PKD2L2: variants seen among roughly 807,000 people sequenced by gnomAD.
PKD2L2 encodes polycystin 2 like 2, transient receptor potential cation channel.
PKD2L2 carries 67 observed loss-of-function variants against 83.9 expected under a neutral mutation model. That is an observed-to-expected ratio of 0.80 (90% confidence interval 0.66 to 0.98). The LOEUF (loss-of-function observed/expected upper bound fraction) is 0.98. Among genes scored for constraint, PKD2L2 ranks in the 50% least tolerant of loss-of-function variants. The pLI is 0.00. For missense variants in PKD2L2, 632 were observed against 717.2 expected (o/e 0.88, Z 1.36); for synonymous variants, 223 against 237.8 (o/e 0.94, Z 0.57).
At chr5:137,929,247 A>C (rs1195245848) in intron 12 of PKD2L2, among the ~76,000 whole-genome samples, 2 of 152,072 alleles carry the variant, frequency 1.3e-5, no homozygotes, top group African/African-American at 4.8e-5. Flanking sequence ...GGATCACCTG[A>C]GGTTGGGAGT....
At chr5:137,901,216 G>A (rs1756929331) in intron 5 of PKD2L2, among the ~76,000 whole-genome samples, 1 of 152,070 alleles carries the variant, frequency 6.6e-6, no homozygotes, top group Non-Finnish European at 1.5e-5. Flanking sequence ...TAAAGTTGGA[G>A]AATTTAATGC....
At chr5:137,934,977 C>T (rs1005595395) in intron 12 of PKD2L2, among the ~76,000 whole-genome samples, 3 of 152,220 alleles carry the variant, frequency 2.0e-5, no homozygotes, top group Non-Finnish European at 4.4e-5. Flanking sequence ...CAAGCAACCA[C>T]AGAGTGTATG....
At chr5:137,938,976 G>A (rs1464785550) in intron 14 of PKD2L2, 1 of 152,166 alleles carries the variant, frequency 6.6e-6, no homozygotes, top group Non-Finnish European at 1.5e-5. Flanking sequence ...CTGTTGTACT[G>A]TTAGCACAAA....
At chr5:137,911,150 C>T (rs1356281302) in intron 8 of PKD2L2, among the ~76,000 whole-genome samples, 2 of 152,156 alleles carry the variant, frequency 1.3e-5, no homozygotes, top group Non-Finnish European at 2.9e-5. Flanking sequence ...CCCCTGTCAG[C>T]CACCATTTTA....
intron 8 of PKD2L2, among the ~76,000 whole-genome samples, chr5:137,921,340 G>A (rs1758877082): frequency 1.4e-5 from 2 of 140,974 alleles, no homozygotes; most frequent in Admixed American, 1.5e-4. Flanking sequence ...TAGCCTGGGC[G>A]ACAGAGTTTG....
At chr5:137,940,601 G>A in intron 14 of PKD2L2, 1 of 348,150 alleles carries the variant, frequency 2.9e-6, no homozygotes, top group Non-Finnish European at 5.2e-6. Context: ...ATAACTGGAG[G>A]AAACCCAGTA....
intron 14 of PKD2L2, chr5:137,940,432 G>A (rs2150089551): frequency 2.7e-6 from 2 of 752,004 alleles, no homozygotes; most frequent in South Asian, 4.0e-5. Flanking sequence ...GAGACATACT[G>A]TTACTAAACA....
intron 8 of PKD2L2, among the ~76,000 whole-genome samples, chr5:137,917,239 A>T (rs1247122166): frequency 7.2e-6 from 1 of 139,314 alleles, no homozygotes; most frequent in African/African-American, 2.7e-5. Flanking sequence ...ATCTTAGCTT[A>T]CTGCAGACTC....
chr5:137,916,621 A>G (rs1469182415), intron 8 of PKD2L2, among the ~76,000 whole-genome samples: 1 of 151,704 alleles, frequency 6.6e-6, no homozygotes, highest in Non-Finnish European at 1.5e-5. Flanking sequence ...CTAGAGTTAC[A>G]GATGCGCACC....
intron 14 of PKD2L2, among the ~76,000 whole-genome samples, chr5:137,936,686 A>G (rs941204274): frequency 7.9e-5 from 12 of 152,158 alleles, no homozygotes; most frequent in African/African-American, 2.9e-4. Context: ...CGATCTCCTG[A>G]CCTCGTGATC....
Position 137,890,557 on chromosome 5 carries a change from TA to T in PKD2L2, c.109del (p.Ile37PhefsTer3). ...TTLQELLLYF[I>X]FLINLCILTF... is the part of the protein sequence containing the mutation. ...CACTTCAGGAATTGTTACTCTACTT[TA>T]TTTTTTTAATAAACCTATGTATATG... On this transcript the variant is annotated frameshift_variant, in exon 2 of 15. Coordinates refer to ENST00000508883, the MANE Select transcript of PKD2L2 (RefSeq NM_001300921.2). LOFTEE classifies it high-confidence loss of function. The T allele has an allele frequency of 3.3e-6, 5 of 1,503,496 alleles. No individual in the cohort carries two copies. Among genetic ancestry groups the T allele is most frequent in the East Asian group, 2.3e-5 (1 of 43,692 alleles). The allele number at this position is 1,503,496 out of a possible 1,614,324, so 93.1% of individuals were successfully genotyped here. A position where few individuals can be genotyped will look rare whatever the true frequency, so the allele number is the denominator to read the frequency against.
chr5:137,917,533 C>CT (rs1037139421), intron 8 of PKD2L2, among the ~76,000 whole-genome samples: 1 of 152,108 alleles, frequency 6.6e-6, no homozygotes, highest in Admixed American at 6.5e-5. Flanking sequence ...TTCATTGATT[C>CT]TTTTTTCTGC....
In PKD2L2 at chr5:137,892,569, A is replaced by G. The variant is rs374587320; in HGVS notation, c.223A>G (p.Arg75Gly). Reference protein sequence around the residue: ...FLDTSVPGEERTNFKSIRSIT... With the variant: ...FLDTSVPGEEGTNFKSIRSIT... ...GGACACTTCTGTGCCTGGTGAAGAA[A>G]GAACCAACTTTAAGTCCATTCGCAG... The change falls in exon 3 of 15, where the codon AGA becomes GGA. Residue 75 changes from arginine to glycine, a missense_variant. Physicochemically the swap from Arg to Gly is moderately radical, Grantham distance 125. Transcript: ENST00000508883. 1 of 1,612,522 alleles carries G rather than the reference A, an allele frequency of 6.2e-7. No homozygotes were observed. Among genetic ancestry groups the G allele is most frequent in the South Asian group, 1.1e-5 (1 of 90,692 alleles).
intron 14 of PKD2L2, chr5:137,938,035 G>A (rs1185736607): frequency 6.6e-6 from 1 of 151,832 alleles, no homozygotes; most frequent in African/African-American, 2.4e-5. Context: ...TTATACTGGT[G>A]GACATATATA....
intron 8 of PKD2L2, among the ~76,000 whole-genome samples, chr5:137,909,452 A>G (rs1757627006): frequency 6.7e-6 from 1 of 149,990 alleles, no homozygotes; most frequent in African/African-American, 2.5e-5. Flanking sequence ...ATAATTTTTC[A>G]TTTTTCATTG....
intron 3 of PKD2L2, 136 bp downstream of exon 3, chr5:137,892,749 A>C: frequency 1.4e-6 from 1 of 709,068 alleles, no homozygotes; most frequent in Non-Finnish European, 2.3e-6. Flanking sequence ...TATTAGAAAC[A>C]ACCAACCAGT....
intron 13 of PKD2L2, 113 bp from the exon 14 acceptor site, chr5:137,936,207 T>A: frequency 1.1e-6 from 1 of 889,264 alleles, no homozygotes; most frequent in Non-Finnish European, 1.7e-6. Context: ...ACAAGAGGCA[T>A]GTTTTAGGAG....
chr5:137,915,416 T>A (rs1561692317), intron 8 of PKD2L2, among the ~76,000 whole-genome samples: 1 of 148,326 alleles, frequency 6.7e-6, no homozygotes, highest in East Asian at 2.0e-4. Flanking sequence ...TTTTTATTTA[T>A]TTTATTTATT....
chr5:137,894,375 A>C lies in PKD2L2; in HGVS notation c.290A>C (p.Glu97Ala). The change falls in exon 4 of 15, where the codon GAA becomes GCA. Residue 97 changes from glutamate (E) to alanine (A), a missense_variant. This residue lies in a region of PKD2L2 where 229 missense variants were observed against 281.5 expected (regional missense o/e 0.81). Transcript: ENST00000508883. The stretch of plus-strand genomic sequence containing the variant: ...GAGTTTATGGAAGGACCCCTTTTGG[A>C]AGGTCTGTACTGGGATTCATGGTAC... ...FWKFMEGPLL[E>A]GLYWDSWYNN... 6.2e-7 allele frequency: 1 copy of C among 1,606,254 alleles called. No homozygotes were observed. The highest frequency in any genetic ancestry group is 8.5e-7 in the Non-Finnish European group (1 of 1,178,602).
Sources: gnomAD v4.1 joint callset for allele counts (sites outside exome capture counted in the v4.1 genomes callset) on GRCh38, gnomAD v4.1.1 for gene constraint, gnomAD v4.1.1 regional missense constraint, MANE v1.5 for transcripts, NCBI Gene and HGNC (gene_info 2026-07-23, HGNC 2026-07-21) for gene names.